P2RX7: variants seen among roughly 807,000 people sequenced by gnomAD.
The protein encoded by P2RX7 is purinergic receptor P2X 7.
In P2RX7, 62 loss-of-function variants were observed where a neutral mutation model predicts 71.6. That is an observed-to-expected ratio of 0.87 (90% CI 0.71 to 1.07). The LOEUF is 1.07. P2RX7 is among the 50% of genes least tolerant of loss of function. The pLI is 0.00. For missense variants in P2RX7, 686 were observed against 748.5 expected (o/e 0.92, Z 0.97); for synonymous variants, 299 against 283.3 (o/e 1.06, Z -0.56).
chr12:121,137,286 G>C (rs1019398515), intron 1 of P2RX7, among the ~76,000 whole-genome samples: 1 of 152,094 alleles, frequency 6.6e-6, no homozygotes, highest in Non-Finnish European at 1.5e-5. Flanking sequence ...TCAGCCACAT[G>C]ACCCCTAAAA....
chr12:121,162,609 A>G, intron 5 of P2RX7, 89 bp downstream of exon 5: 1 of 1,493,716 alleles, frequency 6.7e-7, no homozygotes, highest in Non-Finnish European at 9.1e-7. Flanking sequence ...CCCTCTCAGC[A>G]CAGCCCTGCA....
intron 1 of P2RX7, among the ~76,000 whole-genome samples, chr12:121,148,130 A>G (rs1173976915): frequency 2.6e-5 from 4 of 152,130 alleles, no homozygotes; most frequent in Admixed American, 2.0e-4. Context: ...GTGTGGACAT[A>G]AAGAGATATC....
chr12:121,138,894 C>T (rs1352231621), intron 1 of P2RX7, among the ~76,000 whole-genome samples: 2 of 152,226 alleles, frequency 1.3e-5, no homozygotes, highest in Non-Finnish European at 2.9e-5. Flanking sequence ...CTGTGACCAC[C>T]AAGCTGTTGC....
chr12:121,154,522 G>GC lies in P2RX7; in HGVS notation c.126-262dup, dbSNP rs1878173976. Among the ~76,000 whole-genome samples the GC allele has an allele frequency of 3.3e-5, 5 of 152,110 alleles. No individual in the cohort carries two copies. Among genetic ancestry groups the GC allele is most frequent in the Admixed American group, 6.5e-5 (1 of 15,272 alleles). On this transcript the variant is annotated intron_variant, in intron 1 of 12. Coordinates refer to ENST00000328963, the MANE Select transcript of P2RX7 (RefSeq NM_002562.6). The surrounding 1 kb of genome is among the most constrained non-coding windows in gnomAD (Gnocchi z 4.2). The stretch of plus-strand genomic sequence containing the variant: ...GGAATATTAAAGAATAGGATTGGGG[G>GC]CAGTAGCTTTCCTGTAGCAAGTGCT...
At chr12:121,180,900 G>GTTGC (rs1213585503) in intron 12 of P2RX7, among the ~76,000 whole-genome samples, 1 of 151,798 alleles carries the variant, frequency 6.6e-6, no homozygotes, top group Non-Finnish European at 1.5e-5. Context: ...GGAGGTGGAG[G>GTTGC]TTGCAGTGAG....
intron 4 of P2RX7, among the ~76,000 whole-genome samples, chr12:121,161,887 T>A (rs915274929): frequency 6.6e-6 from 1 of 151,026 alleles, no homozygotes; most frequent in Non-Finnish European, 1.5e-5. Context: ...CAAAAAGGCA[T>A]ATGCCCATTA....
At chr12:121,162,647 C>G in intron 5 of P2RX7, 127 bp downstream of exon 5, 2 of 1,050,756 alleles carry the variant, frequency 1.9e-6, no homozygotes, top group Non-Finnish European at 1.4e-6. Flanking sequence ...GGCTTGGGGA[C>G]CCCTGCGCTC....
intron 9 of P2RX7, among the ~76,000 whole-genome samples, chr12:121,176,407 C>G (rs1883129517): frequency 6.6e-6 from 1 of 152,172 alleles, no homozygotes; most frequent in South Asian, 2.1e-4. Flanking sequence ...ATAAGCAGGA[C>G]TAGAAGCAAT....
intron 1 of P2RX7, among the ~76,000 whole-genome samples, chr12:121,153,271 G>A (rs1877840755): frequency 6.6e-6 from 1 of 152,188 alleles, no homozygotes; most frequent in Non-Finnish European, 1.5e-5. Flanking sequence ...GCTTCCCAAG[G>A]TCAGCTCATA....
chr12:121,176,332 C>G (rs183088567), intron 9 of P2RX7, among the ~76,000 whole-genome samples: 25 of 151,980 alleles, frequency 1.6e-4, no homozygotes, highest in Admixed American at 4.6e-4. Context: ...AAGATGCCAG[C>G]TATGCAAAAA....
intron 4 of P2RX7, among the ~76,000 whole-genome samples, chr12:121,161,403 C>A (rs200209247): frequency 6.6e-6 from 1 of 151,920 alleles, no homozygotes; most frequent in East Asian, 1.9e-4. Flanking sequence ...ATTTTTTGCA[C>A]TGTTTTATTT....
At chr12:121,152,233 G>T (rs1343498149) in intron 1 of P2RX7, among the ~76,000 whole-genome samples, 2 of 152,104 alleles carry the variant, frequency 1.3e-5, no homozygotes, top group Admixed American at 1.3e-4. Context: ...CACCCACCTT[G>T]GCCTCCCAAA....
intron 2 of P2RX7, 195 bp downstream of exon 2, chr12:121,155,148 T>C: frequency 6.7e-7 from 1 of 1,497,498 alleles, no homozygotes; most frequent in Non-Finnish European, 8.9e-7. Context: ...CTTTGCTTTA[T>C]CAAGTCCTAC....
chr12:121,179,975 C>A (rs1883843349), intron 11 of P2RX7, among the ~76,000 whole-genome samples: 1 of 151,908 alleles, frequency 6.6e-6, no homozygotes, highest in Non-Finnish European at 1.5e-5. Context: ...CATGGAGAAA[C>A]CCCGTCTCTA....
intron 1 of P2RX7, among the ~76,000 whole-genome samples, chr12:121,153,677 C>CA (rs139218604): frequency 0.1 from 15,621 of 150,136 alleles, 975 homozygotes; most frequent in African/African-American, 0.18. Flanking sequence ...GACTCCATCT[C>CA]AAAAAAACAT....
At chr12:121,139,293 TG>T (rs1387553715) in intron 1 of P2RX7, among the ~76,000 whole-genome samples, 1 of 152,164 alleles carries the variant, frequency 6.6e-6, no homozygotes. Context: ...ATGGGAAGAT[TG>T]TAAGCAAAGG....
intron 1 of P2RX7, among the ~76,000 whole-genome samples, chr12:121,148,699 G>A (rs1876767515): frequency 6.6e-6 from 1 of 152,146 alleles, no homozygotes; most frequent in Non-Finnish European, 1.5e-5. Context: ...TGCCCTGGGG[G>A]TGCTGGCTCT....
At chr12:121,148,979 G>A (rs1477527170) in intron 1 of P2RX7, 1 of 478,738 alleles carries the variant, frequency 2.1e-6, no homozygotes, top group Non-Finnish European at 4.1e-6. Context: ...TCAGCCCTTT[G>A]ATGTTACCTT....
intron 3 of P2RX7, 121 bp downstream of exon 3, chr12:121,156,268 C>A: frequency 2.6e-6 from 2 of 763,886 alleles, no homozygotes. Context: ...CTACTGAGCA[C>A]CTGCCTCTTT....
Sources: gnomAD v4.1 joint callset for allele counts (sites outside exome capture counted in the v4.1 genomes callset) on GRCh38, gnomAD v4.1.1 for gene constraint, Gnocchi (gnomAD v3.1) non-coding constraint, MANE v1.5 for transcripts, NCBI Gene and HGNC (gene_info 2026-07-23, HGNC 2026-07-21) for gene names.